The following MSH4 variants were observed in gnomAD, a reference collection of about 807,000 sequenced individuals.
MSH4 encodes the protein mutS protein homolog 4.
Under a neutral mutation model 113.7 loss-of-function variants are expected in MSH4, and 106 were observed. The ratio of observed to expected loss-of-function variants is 0.93; its 90% CI spans 0.80 to 1.10. The LOEUF (loss-of-function observed/expected upper bound fraction) is 1.10. Among genes scored for constraint, MSH4 ranks in the 50% least tolerant of loss-of-function variants. The pLI is 0.00. For missense variants in MSH4, 1,061 were observed against 1,093.7 expected, an observed-to-expected ratio of 0.97 and a Z score of 0.42; for synonymous variants, 368 against 380.2, an observed-to-expected ratio of 0.97 and a Z score of 0.37.
In MSH4 at chr1:75,839,886, G is replaced by A. The variant is rs541582732; in HGVS notation, c.1163-8323G>A. On this transcript the variant is annotated intron_variant, in intron 7 of 19. Coordinates refer to ENST00000263187, the MANE Select transcript of MSH4 (RefSeq NM_002440.4). Reference sequence around the variant, plus strand: ...CATGAACAGACACTTCTCAAAAGAAGACATTTATGCAGCCAAAAAACACAT... The same window carrying A: ...CATGAACAGACACTTCTCAAAAGAAAACATTTATGCAGCCAAAAAACACAT... Among the ~76,000 whole-genome samples the A allele has an allele frequency of 2.6e-3, 384 of 146,476 alleles. 2 individuals are homozygous for A. Among genetic ancestry groups the A allele is most frequent in the African/African-American group, 9.3e-3 (370 of 39,796 alleles).
chr1:75,896,433 A>G (rs1178529858), intron 17 of MSH4, among the ~76,000 whole-genome samples: 3 of 149,752 alleles, frequency 2.0e-5, no homozygotes, highest in Non-Finnish European at 3.0e-5. Flanking sequence ...CATCTAATAC[A>G]GTATCTGTTT....
intron 17 of MSH4, among the ~76,000 whole-genome samples, chr1:75,893,628 G>C (rs1652309018): frequency 6.6e-6 from 1 of 152,126 alleles, no homozygotes; most frequent in Admixed American, 6.5e-5. Flanking sequence ...TTTGCCTCTA[G>C]ACCTATAACT....
chr1:75,869,920 C>T (rs1228707056), intron 9 of MSH4, among the ~76,000 whole-genome samples: 3 of 152,186 alleles, frequency 2.0e-5, no homozygotes, highest in African/African-American at 7.2e-5. Context: ...CTCCAGACTC[C>T]AGAATGGTAG....
rs186414951 is a variant in MSH4 at position 75,881,355 on chromosome 1, A to G, written c.1891A>G (p.Thr631Ala). The G allele has an allele frequency of 5.0e-6, 8 of 1,611,364 alleles. No homozygotes were observed. In the Admixed American group the frequency reaches 1.0e-4, roughly 20 times the overall value. ...GCTACTGTCATTTGCTCATGCCTGC[A>G]CTCTTTCTGACTATGGTAAGTTGCT... ...DMLLSFAHAC[T>A]LSDYVRPEFT... is the part of the protein sequence containing the mutation. Residue 631 changes from threonine to alanine, a missense_variant, in exon 14 of 20, where the codon ACT (threonine) becomes GCT (alanine). By Grantham distance (58) the Thr-to-Ala change is moderately conservative (BLOSUM62 0). Coordinates refer to ENST00000263187, the MANE Select transcript of MSH4 (RefSeq NM_002440.4).
At chr1:75,864,740 T>C (rs1651526207) in intron 8 of MSH4, among the ~76,000 whole-genome samples, 1 of 152,234 alleles carries the variant, frequency 6.6e-6, no homozygotes, top group Admixed American at 6.5e-5. Flanking sequence ...AGCCCTTTTT[T>C]GGTTATGTGT....
chr1:75,802,888 G>A (rs5745317), intron 1 of MSH4, among the ~76,000 whole-genome samples: 10,919 of 152,204 alleles, frequency 0.072, 514 homozygotes, highest in African/African-American at 0.13. Context: ...GTAGAGTCCT[G>A]TAGTGGTACA....
At chr1:75,907,716 A>ATATATATATATATATG (rs1652698391) in intron 19 of MSH4, among the ~76,000 whole-genome samples, 2 of 112,176 alleles carry the variant, frequency 1.8e-5, no homozygotes, top group African/African-American at 3.2e-5. Context: ...ATATATATAT[A>ATATATATATATATATG]TATGTATAAA....
chr1:75,832,388 T>C (rs1043837008), intron 7 of MSH4, among the ~76,000 whole-genome samples: 3 of 152,074 alleles, frequency 2.0e-5, no homozygotes, highest in Non-Finnish European at 4.4e-5. Context: ...CCCTCTGAAA[T>C]TATTCTGATC....
At chr1:75,845,433 C>T (rs757397801) in intron 7 of MSH4, among the ~76,000 whole-genome samples, 9 of 152,182 alleles carry the variant, frequency 5.9e-5, no homozygotes, top group Non-Finnish European at 1.3e-4. Context: ...TAAACATTCC[C>T]ATTACAAAAG....
chr1:75,847,633 C>T (rs1482071648), intron 7 of MSH4, among the ~76,000 whole-genome samples: 1 of 152,158 alleles, frequency 6.6e-6, no homozygotes, highest in Non-Finnish European at 1.5e-5. Flanking sequence ...TTGGCATCTA[C>T]TCAGCCTCTG....
chr1:75,853,121 G>A (rs1651226039), intron 8 of MSH4, among the ~76,000 whole-genome samples: 1 of 152,114 alleles, frequency 6.6e-6, no homozygotes, highest in Non-Finnish European at 1.5e-5. Context: ...CTGGAATGCA[G>A]TGGTGTAATC....
chr1:75,852,985 AT>A (rs1651221344), intron 8 of MSH4, among the ~76,000 whole-genome samples: 1 of 152,172 alleles, frequency 6.6e-6, no homozygotes, highest in African/African-American at 2.4e-5. Flanking sequence ...TATGAAAATT[AT>A]TACGTTATAC....
At chr1:75,861,662 C>G (rs932656502) in intron 8 of MSH4, among the ~76,000 whole-genome samples, 4 of 152,306 alleles carry the variant, frequency 2.6e-5, no homozygotes, top group Admixed American at 2.0e-4. Flanking sequence ...GGGCAACCGC[C>G]TGTATGCGGT....
intron 15 of MSH4, among the ~76,000 whole-genome samples, chr1:75,888,902 T>C (rs1363106774): frequency 6.6e-6 from 1 of 150,988 alleles, no homozygotes; most frequent in Non-Finnish European, 1.5e-5. Context: ...ACTTTTTTTT[T>C]TTTTTTTTTT....
At chr1:75,905,882 G>A (rs1228043393) in intron 19 of MSH4, among the ~76,000 whole-genome samples, 1 of 151,500 alleles carries the variant, frequency 6.6e-6, no homozygotes, top group Non-Finnish European at 1.5e-5. Flanking sequence ...GCTCTTTTTT[G>A]GTTTTTATTT....
Position 75,799,798 on chromosome 1 carries a change from T to A in MSH4, c.244+2569T>A, listed in dbSNP as rs139659898. Reference sequence around the variant, plus strand: ...TCTCTGGTTTTGGTGACTGGATAGATGGTAGTAGTATTTTCTGATTCTGGG... The same window carrying A: ...TCTCTGGTTTTGGTGACTGGATAGAAGGTAGTAGTATTTTCTGATTCTGGG... On this transcript the variant is annotated intron_variant, in intron 1 of 19. Coordinates refer to ENST00000263187, the MANE Select transcript of MSH4 (RefSeq NM_002440.4). Among the ~76,000 whole-genome samples the A allele has an allele frequency of 2.9e-3, 438 of 152,246 alleles. 5 individuals are homozygous for A. Among genetic ancestry groups the A allele is most frequent in the African/African-American group, 0.01 (424 of 41,542 alleles).
intron 3 of MSH4, among the ~76,000 whole-genome samples, chr1:75,810,292 G>A (rs141695715): frequency 4.0e-4 from 60 of 151,740 alleles, no homozygotes; most frequent in Middle Eastern, 3.4e-3. Flanking sequence ...GTGCAAAGGT[G>A]CCTGGTGTGA....
At chr1:75,909,537 T>A (rs964365456) in intron 19 of MSH4, among the ~76,000 whole-genome samples, 2 of 151,792 alleles carry the variant, frequency 1.3e-5, no homozygotes, top group Non-Finnish European at 2.9e-5. Context: ...GTTTGTTACA[T>A]AGGTTTACAT....
chr1:75,910,256 C>T (rs554349376), intron 19 of MSH4, among the ~76,000 whole-genome samples: 2 of 152,036 alleles, frequency 1.3e-5, no homozygotes, highest in East Asian at 1.9e-4. Context: ...ATCCTTTGTC[C>T]TTCTTTTCAC....
Sources: gnomAD v4.1 joint callset for allele counts (sites outside exome capture counted in the v4.1 genomes callset) on GRCh38, gnomAD v4.1.1 for gene constraint, MANE v1.5 for transcripts, NCBI Gene and HGNC (gene_info 2026-07-23, HGNC 2026-07-21) for gene names.